The following MELK variants were observed in gnomAD, a reference collection of about 807,000 sequenced individuals.
The protein encoded by MELK is maternal embryonic leucine zipper kinase.
MELK carries 81 observed loss-of-function variants against 85.0 expected under a neutral mutation model. That is an observed-to-expected ratio of 0.95 (90% CI 0.80 to 1.15). The LOEUF is 1.15. Among genes scored for constraint, MELK ranks in the 50% most tolerant of loss-of-function variants. The pLI is 0.00. For missense variants in MELK, 754 were observed against 777.5 expected, an observed-to-expected ratio of 0.97 and a Z score of 0.36; for synonymous variants, 252 against 265.0, an observed-to-expected ratio of 0.95 and a Z score of 0.48.
intron 3 of MELK, among the ~76,000 whole-genome samples, chr9:36,589,195 C>T (rs967092949): frequency 2.0e-5 from 3 of 151,830 alleles, no homozygotes; most frequent in East Asian, 1.9e-4. Flanking sequence ...GTTGCCCAGG[C>T]GGGAGTGCAG....
chr9:36,627,769 C>T lies in MELK; in HGVS notation c.667-2530C>T, dbSNP rs7037359. On this transcript the variant is annotated intron_variant, in intron 8 of 17. Coordinates refer to ENST00000298048, the MANE Select transcript of MELK (RefSeq NM_014791.4). ...CTCAAACTTCCGACCTCAGGTGATC[C>T]GCCCATCTCAGCCTCCCAAAGTGCT... Among the ~76,000 whole-genome samples the T allele has an allele frequency of 1.0e-2, 1,508 of 151,514 alleles. 27 individuals carry two copies. Among genetic ancestry groups the T allele is most frequent in the African/African-American group, 0.035 (1,425 of 41,276 alleles).
At chr9:36,642,872 T>C in intron 10 of MELK, 125 bp from the exon 11 acceptor site, 1 of 660,074 alleles carries the variant, frequency 1.5e-6, no homozygotes, top group Non-Finnish European at 2.5e-6. Context: ...CCCAAGAAAT[T>C]GACAGATTCA....
Position 36,677,406 on chromosome 9 carries a change from CG to C in MELK, c.*70del. 2 of 1,381,310 alleles carry C rather than the reference CG, an allele frequency of 1.4e-6. No homozygotes were observed. The highest frequency in any genetic ancestry group is 3.3e-5 in the South Asian group (2 of 60,040). The allele number at this position is 1,381,310 out of a possible 1,614,324, so 85.6% of individuals were successfully genotyped here. On this transcript the variant is annotated 3_prime_UTR_variant, in exon 18 of 18. Transcript: ENST00000298048. ...CAGCCTACATAAAGACTGTTATGAT[CG>C]CTTTGATTTTAAAGTTCATTGGAAC...
chr9:36,596,761 T>C (rs1036503909), intron 5 of MELK, among the ~76,000 whole-genome samples: 63 of 151,862 alleles, frequency 4.1e-4, no homozygotes, highest in South Asian at 2.1e-4. Context: ...TAATTTTGTA[T>C]TTTTAGTAGA....
chr9:36,607,268 T>C (rs779848061), intron 7 of MELK, among the ~76,000 whole-genome samples: 13 of 152,222 alleles, frequency 8.5e-5, no homozygotes, highest in Non-Finnish European at 1.6e-4. Flanking sequence ...CATCTTCTTA[T>C]CATGTCCAAT....
chr9:36,582,494 G>C (rs1208490130), intron 2 of MELK, among the ~76,000 whole-genome samples: 1 of 149,104 alleles, frequency 6.7e-6, no homozygotes. Flanking sequence ...TGTAAAAGCA[G>C]TGAAAGGGGT....
At chr9:36,671,195 A>G in intron 16 of MELK, 29 bp downstream of exon 16, 7 of 1,519,432 alleles carry the variant, frequency 4.6e-6, no homozygotes, top group Non-Finnish European at 6.2e-6. Context: ...TTTCATATGG[A>G]GCAGAAGCTG....
intron 3 of MELK, 48 bp downstream of exon 3, chr9:36,583,760 G>T: frequency 7.4e-7 from 1 of 1,349,150 alleles, no homozygotes; most frequent in Non-Finnish European, 1.0e-6. Context: ...GATCAGTTTC[G>T]TGAATTAAAA....
At chr9:36,575,643 G>C (rs560547361) in intron 1 of MELK, among the ~76,000 whole-genome samples, 4 of 152,278 alleles carry the variant, frequency 2.6e-5, no homozygotes, top group African/African-American at 9.6e-5. Context: ...TCTTACCTTA[G>C]TTGTTAAATA....
intron 12 of MELK, among the ~76,000 whole-genome samples, chr9:36,655,419 G>A (rs1831141462): frequency 6.6e-6 from 1 of 150,868 alleles, no homozygotes; most frequent in Non-Finnish European, 1.5e-5. Context: ...GACAGTGGCT[G>A]GACTTGTGTT....
intron 10 of MELK, among the ~76,000 whole-genome samples, chr9:36,638,090 C>T (rs746261912): frequency 3.9e-5 from 6 of 152,056 alleles, no homozygotes; most frequent in Non-Finnish European, 7.4e-5. Flanking sequence ...TCTCCATGTG[C>T]GGAGGGCTTT....
chr9:36,647,027 A>G (rs1413164494), intron 11 of MELK, among the ~76,000 whole-genome samples: 1 of 152,222 alleles, frequency 6.6e-6, no homozygotes, highest in Non-Finnish European at 1.5e-5. Context: ...TGAAAGCATA[A>G]CTAATGTGTT....
At position 36,633,128 on chromosome 9, in the gene MELK, G is replaced by GA. The variant is rs796296807; in HGVS notation, c.767dup (p.Asn256LysfsTer17). The GA allele has an allele frequency of 6.2e-6, 10 of 1,609,546 alleles. No individual in the cohort carries two copies. In the African/African-American group the frequency reaches 1.2e-4, roughly 19 times the overall value. Reference sequence around the variant, plus strand: ...TGGACCCAAAGAAACGGATTTCTATGAAAAATCTATTGAACCATCCCTGGA... The same window carrying GA: ...TGGACCCAAAGAAACGGATTTCTATGAAAAAATCTATTGAACCATCCCTGGA... On this transcript the variant is annotated frameshift_variant, in exon 10 of 18. Coordinates refer to ENST00000298048, the MANE Select transcript of MELK (RefSeq NM_014791.4). LOFTEE classifies it high-confidence loss of function.
intron 14 of MELK, among the ~76,000 whole-genome samples, chr9:36,666,168 T>C (rs889068409): frequency 6.6e-6 from 1 of 152,252 alleles, no homozygotes; most frequent in African/African-American, 2.4e-5. Context: ...AATTTAGTCA[T>C]GAGCAGTTAT....
At chr9:36,647,973 CAG>C (rs1326313032) in intron 11 of MELK, among the ~76,000 whole-genome samples, 1 of 151,980 alleles carries the variant, frequency 6.6e-6, no homozygotes, top group African/African-American at 2.4e-5. Flanking sequence ...TTACTAAAAA[CAG>C]AGTTGGTAGT....
chr9:36,606,638 T>G (rs1825561849), intron 7 of MELK, among the ~76,000 whole-genome samples: 1 of 146,942 alleles, frequency 6.8e-6, no homozygotes, highest in South Asian at 2.1e-4. Context: ...TGGACATATA[T>G]GTATATATGG....
At chr9:36,600,461 A>G (rs951690429) in intron 7 of MELK, among the ~76,000 whole-genome samples, 1 of 151,958 alleles carries the variant, frequency 6.6e-6, no homozygotes, top group Non-Finnish European at 1.5e-5. Context: ...TCCGCTCACT[A>G]CAAGCTCTGC....
chr9:36,604,943 A>AT (rs1247179254), intron 7 of MELK, among the ~76,000 whole-genome samples: 1 of 149,554 alleles, frequency 6.7e-6, no homozygotes, highest in Non-Finnish European at 1.5e-5. Flanking sequence ...GCGCCCAGCC[A>AT]TTATTTATTT....
chr9:36,659,468 T>A (rs1161929194), intron 13 of MELK, among the ~76,000 whole-genome samples: 1 of 152,258 alleles, frequency 6.6e-6, no homozygotes, highest in Non-Finnish European at 1.5e-5. Context: ...GTGACTTTTC[T>A]GAACTAATTC....
Sources: gnomAD v4.1 joint callset for allele counts (sites outside exome capture counted in the v4.1 genomes callset) on GRCh38, gnomAD v4.1.1 for gene constraint, MANE v1.5 for transcripts, NCBI Gene and HGNC (gene_info 2026-07-23, HGNC 2026-07-21) for gene names.